The following LY75 variants were observed in gnomAD, a reference collection of about 807,000 sequenced individuals.
The protein encoded by LY75 is C-type lectin domain family 13 member B.
A neutral mutation model predicts 231.7 loss-of-function variants in LY75; 185 were observed. The observed-to-expected ratio is 0.80, with a 90% CI of 0.71 to 0.90. The LOEUF is 0.90. LY75 is among the 40% of genes least tolerant of loss of function. The pLI is 0.00. For missense variants in LY75, 1,947 were observed against 2,050.2 expected (o/e 0.95, Z 0.97); for synonymous variants, 668 against 689.0 (o/e 0.97, Z 0.48).
At position 159,815,475 on chromosome 2, in the gene LY75, T is replaced by C. The variant is rs370444148; in HGVS notation, c.4479A>G (p.Pro1493=). 1.4e-5 allele frequency: 23 copies of C among 1,613,748 alleles called. No individual in the cohort carries two copies. The highest frequency in any genetic ancestry group is 1.8e-5 in the Non-Finnish European group (21 of 1,179,942). The change falls in exon 31 of 35, where the codon CCA becomes CCG. Residue 1493 remains proline, a synonymous_variant. Transcript: ENST00000263636. ...ATTTTTCATGTTTCCAAGTTCCTTT[T>C]GGATCCAAGAGAACACAATTTCCAG... ...TSPGNCVLLD[P]KGTWKHEKCN...
intron 33 of LY75, 130 bp downstream of exon 33, chr2:159,808,319 G>C: frequency 6.7e-7 from 1 of 1,499,174 alleles, no homozygotes; most frequent in Non-Finnish European, 9.0e-7. Flanking sequence ...AACAGCCAGC[G>C]ACCTAGCTTA....
chr2:159,828,665 C>G (rs1346219353), intron 28 of LY75, among the ~76,000 whole-genome samples: 1 of 152,082 alleles, frequency 6.6e-6, no homozygotes, highest in Non-Finnish European at 1.5e-5. Context: ...TATGTCCATG[C>G]AAAAACTTGT....
At chr2:159,879,740 A>G (rs1365250897) in intron 8 of LY75, among the ~76,000 whole-genome samples, 1 of 152,158 alleles carries the variant, frequency 6.6e-6, no homozygotes, top group Non-Finnish European at 1.5e-5. Context: ...TAGGTACATC[A>G]TCAACCTCCC....
intron 13 of LY75, among the ~76,000 whole-genome samples, chr2:159,865,427 AAATT>A (rs111234114): frequency 3.3e-5 from 5 of 152,294 alleles, no homozygotes; most frequent in African/African-American, 4.8e-5. Flanking sequence ...CCAGAAAAAT[AAATT>A]AAGCAATAAT....
intron 16 of LY75, among the ~76,000 whole-genome samples, chr2:159,857,206 C>T (rs545788299): frequency 2.3e-4 from 35 of 152,270 alleles, no homozygotes; most frequent in African/African-American, 7.9e-4. Flanking sequence ...ACTGGTTTGA[C>T]AGTTTGCCTT....
chr2:159,881,646 A>G (rs1685438873), intron 7 of LY75, among the ~76,000 whole-genome samples: 1 of 152,188 alleles, frequency 6.6e-6, no homozygotes, highest in South Asian at 2.1e-4. Context: ...ACTCTTAGCT[A>G]TTCTAGCTAA....
Position 159,850,002 on chromosome 2 carries a change from C to T in LY75, c.3128G>A (p.Gly1043Glu). The T allele has an allele frequency of 6.2e-7, 1 of 1,612,746 alleles. No homozygotes were observed. The highest frequency in any genetic ancestry group is 8.5e-7 in the Non-Finnish European group (1 of 1,179,598). The change falls in exon 23 of 35, where the codon GGG (glycine) becomes GAG (glutamate). Residue 1043 changes from glycine (G) to glutamate (E), a missense_variant. By Grantham distance (98) the Gly-to-Glu change is moderately conservative (BLOSUM62 -2). Transcript: ENST00000263636. ...YSNFHPLLVS[G>E]RLRIPENFFE... The stretch of plus-strand genomic sequence containing the variant: ...TACATTTTCTGGTATTCTCAGCCTC[C>T]CACTAACCAATAATGGGTGAAAGTT...
chr2:159,868,358 T>C (rs1165928532), intron 13 of LY75, among the ~76,000 whole-genome samples: 2 of 152,276 alleles, frequency 1.3e-5, no homozygotes, highest in Admixed American at 1.3e-4. Flanking sequence ...TTAAACATAG[T>C]ACATTCTATG....
chr2:159,821,657 G>A (rs2125834518), intron 28 of LY75, among the ~76,000 whole-genome samples: 1 of 150,942 alleles, frequency 6.6e-6, no homozygotes, highest in South Asian at 2.1e-4. Context: ...GAAAACATAG[G>A]AGTAAGTCTT....
intron 13 of LY75, among the ~76,000 whole-genome samples, chr2:159,869,713 T>C (rs1446759943): frequency 1.3e-5 from 2 of 152,142 alleles, no homozygotes; most frequent in African/African-American, 4.8e-5. Context: ...TTCAAGTAAA[T>C]CTGTGCAAGG....
At chr2:159,868,498 T>G (rs940099346) in intron 13 of LY75, among the ~76,000 whole-genome samples, 1 of 152,216 alleles carries the variant, frequency 6.6e-6, no homozygotes, top group South Asian at 2.1e-4. Flanking sequence ...TACTCATTTT[T>G]ATATTTTCCA....
chr2:159,875,027 T>C (rs1038244427), intron 12 of LY75, among the ~76,000 whole-genome samples: 1 of 145,664 alleles, frequency 6.9e-6, no homozygotes, highest in Non-Finnish European at 1.5e-5. Context: ...TATATATATT[T>C]GTATATATAC....
intron 16 of LY75, among the ~76,000 whole-genome samples, chr2:159,856,709 G>A (rs1241842238): frequency 6.6e-6 from 1 of 151,954 alleles, no homozygotes; most frequent in African/African-American, 2.4e-5. Context: ...GGATAATGGA[G>A]GTGGAATTAT....
At chr2:159,900,036 G>A (rs576184236) in intron 1 of LY75, among the ~76,000 whole-genome samples, 1 of 152,350 alleles carries the variant, frequency 6.6e-6, no homozygotes, top group Non-Finnish European at 1.5e-5. Flanking sequence ...AACTACCAAA[G>A]TGATGGCTGA....
rs767193730 is a variant in LY75, at chr2:159,890,379, T to C, written c.638-2A>G. ...CCCAATTATCTTCACAACCGTTTTCTGTTGATAAAGACACGTTAGTGATCA... is the reference window on the plus strand; with the variant it reads ...CCCAATTATCTTCACAACCGTTTTCCGTTGATAAAGACACGTTAGTGATCA... On this transcript the variant is annotated splice_acceptor_variant, in intron 3 of 34. Transcript: ENST00000263636. LOFTEE classifies it high-confidence loss of function. 6.8e-6 allele frequency: 11 copies of C among 1,612,830 alleles called. No individual in the cohort carries two copies. In the South Asian group the frequency reaches 1.2e-4, roughly 18 times the overall value.
chr2:159,840,588 A>C (rs1574547190), intron 25 of LY75, 141 bp downstream of exon 25: 2 of 1,325,142 alleles, frequency 1.5e-6, no homozygotes, highest in East Asian at 2.5e-5. Context: ...AAATTTAAAA[A>C]CCCCGACATA....
intron 21 of LY75, 75 bp downstream of exon 21, chr2:159,852,126 T>C: frequency 2.6e-6 from 4 of 1,552,218 alleles, no homozygotes; most frequent in Non-Finnish European, 3.5e-6. Context: ...CACTAATGGG[T>C]TGCCATTCTG....
At chr2:159,887,002 A>G (rs923229084) in intron 4 of LY75, among the ~76,000 whole-genome samples, 2 of 151,906 alleles carry the variant, frequency 1.3e-5, no homozygotes, top group African/African-American at 4.8e-5. Context: ...TGCCCTCATG[A>G]GAATTTCAAT....
chr2:159,860,794 A>G, intron 15 of LY75, 27 bp downstream of exon 15: 2 of 1,613,152 alleles, frequency 1.2e-6, no homozygotes, highest in Non-Finnish European at 1.7e-6. Flanking sequence ...TGTTTTAAAT[A>G]TGCAGATTTT....
Sources: allele counts gnomAD v4.1 joint callset (sites outside exome capture counted in the v4.1 genomes callset), GRCh38; gene constraint gnomAD v4.1.1; transcripts MANE v1.5; gene names NCBI Gene and HGNC (gene_info 2026-07-23, HGNC 2026-07-21).